The following PLA2G4C variants were observed in gnomAD, a reference collection of about 807,000 sequenced individuals.
PLA2G4C encodes phospholipase A2 group IVC, also known as cytosolic phospholipase A2 gamma.
In PLA2G4C, 64 loss-of-function variants were observed where a neutral mutation model predicts 73.8. The observed-to-expected ratio is 0.87, with a 90% CI of 0.71 to 1.07. The LOEUF (loss-of-function observed/expected upper bound fraction) is 1.07, where lower values mean the gene tolerates loss of function less well. PLA2G4C is among the 50% of genes least tolerant of loss of function. PLA2G4C has a pLI of 0.00. For missense variants in PLA2G4C, 622 were observed against 665.4 expected (o/e 0.93, Z 0.72); for synonymous variants, 254 against 252.1 (o/e 1.01, Z -0.07).
At chr19:48,060,868 A>T (rs919283008) in intron 14 of PLA2G4C, among the ~76,000 whole-genome samples, 1 of 152,182 alleles carries the variant, frequency 6.6e-6, no homozygotes, top group African/African-American at 2.4e-5. Context: ...GAAGTGTGTG[A>T]ATATAAATAT....
At chr19:48,089,876 T>C (rs445505) in intron 8 of PLA2G4C, among the ~76,000 whole-genome samples, 14,149 of 152,144 alleles carry the variant, frequency 0.093, 1,403 homozygotes, top group African/African-American at 0.25. Flanking sequence ...GAGTCACGCA[T>C]CCTTCCCACG....
At chr19:48,060,093 C>A (rs373184449) in intron 14 of PLA2G4C, among the ~76,000 whole-genome samples, 1 of 151,884 alleles carries the variant, frequency 6.6e-6, no homozygotes, top group Non-Finnish European at 1.5e-5. Flanking sequence ...TTGAGGCTTT[C>A]GGACTCGGAC....
chr19:48,098,031 T>C, intron 6 of PLA2G4C, 108 bp downstream of exon 6: 1 of 1,271,410 alleles, frequency 7.9e-7, no homozygotes, highest in Non-Finnish European at 1.1e-6. Flanking sequence ...TCCTGAGCCC[T>C]TCCCTCTTCC....
chr19:48,106,849 G>A (rs1265378185), intron 1 of PLA2G4C, among the ~76,000 whole-genome samples: 1 of 152,014 alleles, frequency 6.6e-6, no homozygotes, highest in African/African-American at 2.4e-5. Context: ...GTCTCTGTCT[G>A]TCTCTCTCTC....
intron 10 of PLA2G4C, among the ~76,000 whole-genome samples, chr19:48,081,872 G>A (rs2030594177): frequency 6.6e-6 from 1 of 150,984 alleles, no homozygotes; most frequent in South Asian, 2.1e-4. Context: ...CTTGAGCTCA[G>A]AAGTTCGAGA....
chr19:48,107,140 C>A (rs373049135), intron 1 of PLA2G4C, among the ~76,000 whole-genome samples: 7 of 152,008 alleles, frequency 4.6e-5, no homozygotes, highest in East Asian at 3.9e-4. Context: ...CCACCGCGTC[C>A]GACCTGAGAC....
chr19:48,078,396 G>A (rs2045927832), intron 10 of PLA2G4C, among the ~76,000 whole-genome samples: 1 of 152,068 alleles, frequency 6.6e-6, no homozygotes, highest in African/African-American at 2.4e-5. Context: ...GAAATGAAGG[G>A]TATCCAAACC....
chr19:48,061,526 G>C (rs1479218411), intron 14 of PLA2G4C: 1 of 156,030 alleles, frequency 6.4e-6, no homozygotes, highest in Non-Finnish European at 1.4e-5. Flanking sequence ...GGATCCTAGT[G>C]GCCACTGGGA....
In PLA2G4C at chr19:48,073,964, T is replaced by TTTTAA. The variant is rs11564612; in HGVS notation, c.1006+798_1006+802dup. Among the ~76,000 whole-genome samples, 786 of 152,016 alleles carry TTTTAA rather than the reference T, an allele frequency of 5.2e-3. 6 individuals carry two copies. Among genetic ancestry groups the TTTTAA allele is most frequent in the African/African-American group, 0.017 (723 of 41,424 alleles). On this transcript the variant is annotated intron_variant, in intron 12 of 16. Coordinates refer to ENST00000599921, the MANE Select transcript of PLA2G4C (RefSeq NM_003706.3). ...ACACTGGGGATTACATTTCTTTTTC[T>TTTTAA]TTTAATTTAATTTAATTTAATTTAA...
chr19:48,092,072 T>A (rs2031340174), intron 7 of PLA2G4C, among the ~76,000 whole-genome samples: 1 of 151,956 alleles, frequency 6.6e-6, no homozygotes, highest in Admixed American at 6.6e-5. Context: ...AAAAAAATTT[T>A]TTTTTTTTTT....
At chr19:48,053,402 T>C in intron 15 of PLA2G4C, among the ~76,000 whole-genome samples, 1 of 138,904 alleles carries the variant, frequency 7.2e-6, no homozygotes, top group Non-Finnish European at 1.5e-5. Context: ...AGAGGCTCGC[T>C]CTTGTCTCCC....
At chr19:48,061,563 T>C (rs1968173170) in intron 14 of PLA2G4C, 1 of 185,314 alleles carries the variant, frequency 5.4e-6, no homozygotes. Flanking sequence ...AAGACAAATA[T>C]ACTTGCATAT....
chr19:48,084,154 G>A lies in PLA2G4C; in HGVS notation c.844+905C>T, dbSNP rs73051942. On this transcript the variant is annotated intron_variant, in intron 10 of 16. Coordinates refer to ENST00000599921, the MANE Select transcript of PLA2G4C (RefSeq NM_003706.3). ...AGCTCACTGCAGCCTTTGCCTCCTG[G>A]TTTCAAGCGATTCTTGTGCCTCAAC... Among the ~76,000 whole-genome samples, 928 of 151,570 alleles carry A rather than the reference G, an allele frequency of 6.1e-3. 15 individuals carry two copies. The highest frequency in any genetic ancestry group is 0.02 in the Middle Eastern group (6 of 294).
intron 12 of PLA2G4C, chr19:48,074,465 A>G (rs1367769881): frequency 2.6e-6 from 1 of 390,674 alleles, no homozygotes; most frequent in African/African-American, 2.1e-5. Context: ...GTATCTTTCT[A>G]ACAGAATGAT....
At chr19:48,060,800 C>T (rs35661486) in intron 14 of PLA2G4C, among the ~76,000 whole-genome samples, 6,547 of 152,084 alleles carry the variant, frequency 0.043, 287 homozygotes, top group African/African-American at 0.11. Context: ...GGTTCTGGAT[C>T]ATGGTATGGG....
intron 2 of PLA2G4C, among the ~76,000 whole-genome samples, chr19:48,105,688 G>T (rs1226897537): frequency 6.6e-6 from 1 of 151,788 alleles, no homozygotes; most frequent in African/African-American, 2.4e-5. Context: ...GGCCAGACGC[G>T]GTGGCTCACA....
intron 15 of PLA2G4C, among the ~76,000 whole-genome samples, chr19:48,054,219 C>T (rs11083911): frequency 0.054 from 8,272 of 152,116 alleles, 266 homozygotes; most frequent in East Asian, 0.073. Context: ...CCCCAAGTGT[C>T]GTGGGAGGTA....
intron 11 of PLA2G4C, 24 bp downstream of exon 11, chr19:48,077,747 T>C: frequency 2.5e-6 from 4 of 1,579,460 alleles, no homozygotes; most frequent in Non-Finnish European, 3.5e-6. Flanking sequence ...TCATTAGGGA[T>C]TCATGGCAAA....
chr19:48,106,214 C>G (rs2032230768), intron 2 of PLA2G4C, among the ~76,000 whole-genome samples: 1 of 151,126 alleles, frequency 6.6e-6, no homozygotes, highest in Non-Finnish European at 1.5e-5. Flanking sequence ...TCCTAAGTAG[C>G]TTGGACTACA....
Sources: gnomAD v4.1 joint callset for allele counts (sites outside exome capture counted in the v4.1 genomes callset) on GRCh38, gnomAD v4.1.1 for gene constraint, MANE v1.5 for transcripts, NCBI Gene and HGNC (gene_info 2026-07-23, HGNC 2026-07-21) for gene names.